ADAM23: variants seen among roughly 807,000 people sequenced by gnomAD.
The protein encoded by ADAM23 is ADAM metallopeptidase domain 23.
Under a neutral mutation model 120.1 loss-of-function variants are expected in ADAM23, and 33 were observed. The ratio of observed to expected loss-of-function variants is 0.27; its 90% CI spans 0.21 to 0.37. The LOEUF (loss-of-function observed/expected upper bound fraction) is 0.37. Ranked by LOEUF, ADAM23 falls within the 10% of genes least tolerant of loss-of-function variation. The pLI is 1.00. For synonymous variants in ADAM23, 367 were observed against 375.2 expected (o/e 0.98, Z 0.25); for missense variants, 862 against 1,058.2 (o/e 0.81, Z 2.57).
chr2:206,516,247 A>G (rs999743009), intron 3 of ADAM23, among the ~76,000 whole-genome samples: 5 of 150,466 alleles, frequency 3.3e-5, no homozygotes, highest in Non-Finnish European at 5.9e-5. Context: ...AAAAAAAAAA[A>G]GAAAGAAAAA....
chr2:206,553,811 G>C (rs74910575), intron 9 of ADAM23, among the ~76,000 whole-genome samples: 3 of 152,134 alleles, frequency 2.0e-5, no homozygotes, highest in Non-Finnish European at 4.4e-5. Context: ...GGGATTTGCT[G>C]CTGGGCTTTA....
At chr2:206,575,744 G>A (rs1008869005) in intron 18 of ADAM23, among the ~76,000 whole-genome samples, 4 of 152,214 alleles carry the variant, frequency 2.6e-5, no homozygotes, top group African/African-American at 7.2e-5. Context: ...GAAGGACAAT[G>A]TATGGCACGG....
chr2:206,444,710 AAG>A (rs1695039875), intron 1 of ADAM23, among the ~76,000 whole-genome samples: 1 of 152,252 alleles, frequency 6.6e-6, no homozygotes, highest in Non-Finnish European at 1.5e-5. Context: ...GGAAAATAAA[AAG>A]AAATTGGGAA....
chr2:206,576,998 G>A (rs1668677261), intron 18 of ADAM23, among the ~76,000 whole-genome samples: 1 of 152,148 alleles, frequency 6.6e-6, no homozygotes, highest in South Asian at 2.1e-4. Flanking sequence ...GAACCATCCT[G>A]TATAGCATAA....
chr2:206,585,350 G>T (rs1263046512), intron 18 of ADAM23, among the ~76,000 whole-genome samples: 1 of 152,192 alleles, frequency 6.6e-6, no homozygotes, highest in Non-Finnish European at 1.5e-5. Context: ...AAACCACAGG[G>T]ATTTCTGCTC....
At chr2:206,565,977 T>C in intron 14 of ADAM23, among the ~76,000 whole-genome samples, 1 of 152,074 alleles carries the variant, frequency 6.6e-6, no homozygotes, top group Non-Finnish European at 1.5e-5. Flanking sequence ...TTAGAACGCA[T>C]TTCTAGAAAT....
At chr2:206,486,239 T>C (rs568574738) in intron 3 of ADAM23, among the ~76,000 whole-genome samples, 2 of 152,282 alleles carry the variant, frequency 1.3e-5, no homozygotes, top group Admixed American at 6.5e-5. Context: ...CTCAGGGTGC[T>C]CCTCTTTTAA....
chr2:206,614,584 G>A (rs777894261), intron 25 of ADAM23, among the ~76,000 whole-genome samples: 3 of 152,054 alleles, frequency 2.0e-5, no homozygotes, highest in Non-Finnish European at 2.9e-5. Flanking sequence ...CCCGGGAGAC[G>A]GAGGTTGCAG....
intron 24 of ADAM23, among the ~76,000 whole-genome samples, chr2:206,604,768 G>A (rs1372086861): frequency 6.6e-6 from 1 of 152,156 alleles, no homozygotes; most frequent in Non-Finnish European, 1.5e-5. Flanking sequence ...TGGTGGCTTT[G>A]AGTCGTGGAT....
chr2:206,596,270 C>G (rs1698523678), intron 24 of ADAM23, 108 bp downstream of exon 24: 1 of 750,584 alleles, frequency 1.3e-6, no homozygotes, highest in African/African-American at 1.8e-5. Flanking sequence ...ATAAGAATAT[C>G]TGTTTTTGCC....
intron 3 of ADAM23, among the ~76,000 whole-genome samples, chr2:206,519,041 T>G (rs1235917534): frequency 6.6e-6 from 1 of 152,176 alleles, no homozygotes; most frequent in Non-Finnish European, 1.5e-5. Context: ...GAAGTTTTCT[T>G]GGAGACCCTA....
intron 20 of ADAM23, among the ~76,000 whole-genome samples, chr2:206,588,560 T>C (rs528341903): frequency 6.0e-4 from 92 of 152,342 alleles, no homozygotes; most frequent in African/African-American, 2.2e-3. Flanking sequence ...CCAGACTTAT[T>C]TTTTAAATTT....
At chr2:206,587,401 G>A (rs1483758492) in intron 19 of ADAM23, 26 bp downstream of exon 19, 1 of 1,548,370 alleles carries the variant, frequency 6.5e-7, no homozygotes, top group Non-Finnish European at 8.8e-7. Flanking sequence ...AATTTTAAGT[G>A]TAATTTAAAA....
intron 4 of ADAM23, among the ~76,000 whole-genome samples, chr2:206,538,052 T>C (rs1215534818): frequency 6.6e-6 from 1 of 152,202 alleles, no homozygotes; most frequent in Non-Finnish European, 1.5e-5. Flanking sequence ...AGATAGCAGA[T>C]GACACTAGTC....
intron 13 of ADAM23, among the ~76,000 whole-genome samples, chr2:206,563,672 G>A (rs1697816084): frequency 6.6e-6 from 1 of 152,006 alleles, no homozygotes; most frequent in Non-Finnish European, 1.5e-5. Context: ...ATGGAATAGG[G>A]TGAGAAGTAG....
chr2:206,546,341 T>A (rs1697395973), intron 6 of ADAM23, among the ~76,000 whole-genome samples: 1 of 152,192 alleles, frequency 6.6e-6, no homozygotes, highest in Admixed American at 6.5e-5. Context: ...TTTAGATATT[T>A]TGATGTTTGT....
chr2:206,561,201 G>T lies in ADAM23; in HGVS notation c.1243G>T (p.Gly415Cys). ...GGVCSRTRGV[G>C]VNEYGLPMAV... ...TGTCTGTTCTCGCACAAGAGGAGTT[G>T]GTGTGAATGAGGTAAATTTTACCAA... Residue 415 changes from glycine to cysteine, a missense_variant, in exon 12 of 26, where the codon GGT (glycine) becomes TGT (cysteine). Around this residue, in one of 4 missense-constraint regions of ADAM23, gnomAD observed 617 missense variants for 813.5 expected, o/e 0.76. Transcript: ENST00000264377. 1 of 1,613,710 alleles carries T rather than the reference G, an allele frequency of 6.2e-7. No individual in the cohort carries two copies. Among genetic ancestry groups the T allele is most frequent in the Non-Finnish European group, 8.5e-7 (1 of 1,179,716 alleles).
chr2:206,474,142 T>C (rs1695726075), intron 2 of ADAM23, among the ~76,000 whole-genome samples: 1 of 152,180 alleles, frequency 6.6e-6, no homozygotes, highest in South Asian at 2.1e-4. Flanking sequence ...TACTATCAAT[T>C]GGAACATGGT....
Position 206,562,312 on chromosome 2 carries a change from T to G in ADAM23, c.1345+19T>G. ...AAGCCAAGTATGTACACTGACCTTC[T>G]TACTCATTTTCATGTGCCATTCTGT... On this transcript the variant is annotated intron_variant, in intron 13 of 25. Transcript: ENST00000264377. 6.3e-7 allele frequency: 1 copy of G among 1,594,380 alleles called. No homozygotes were observed. Among genetic ancestry groups the G allele is most frequent in the Non-Finnish European group, 8.6e-7 (1 of 1,162,804 alleles).
Sources: allele counts gnomAD v4.1 joint callset (sites outside exome capture counted in the v4.1 genomes callset), GRCh38; gene constraint gnomAD v4.1.1; regional missense constraint gnomAD v4.1.1; transcripts MANE v1.5; gene names NCBI Gene and HGNC (gene_info 2026-07-23, HGNC 2026-07-21).